Variants in ERCC4 observed in about 807,000 individuals in gnomAD.
ERCC4 encodes DNA repair endonuclease XPF.
A neutral mutation model predicts 76.9 loss-of-function variants in ERCC4; 65 were observed. The ratio of observed to expected loss-of-function variants is 0.84; its 90% CI spans 0.69 to 1.04. ERCC4 has a LOEUF of 1.04. Ranked by LOEUF, ERCC4 falls within the 50% of genes least tolerant of loss-of-function variation. ERCC4 has a pLI of 0.00. For synonymous variants in ERCC4, 463 were observed against 410.1 expected, an observed-to-expected ratio of 1.13 and a Z score of -1.56; for missense variants, 1,214 against 1,128.2, an observed-to-expected ratio of 1.08 and a Z score of -1.09.
At chr16:13,938,057 T>G (rs1323409230) in intron 9 of ERCC4, among the ~76,000 whole-genome samples, 199 bp downstream of exon 9, 1 of 152,066 alleles carries the variant, frequency 6.6e-6, no homozygotes, top group Non-Finnish European at 1.5e-5. Context: ...CGTCTCTTCC[T>G]TCATCTCCAG....
rs2141624584 is a variant in ERCC4, at chr16:13,951,113, T to C, written c.*2766T>C. On this transcript the variant is annotated 3_prime_UTR_variant, in exon 11 of 11. Transcript: ENST00000311895. ...ATATATTTCAATGTATTTCCAGTTTTGGAAAGTTTTCAATACATACATCAA... is the reference window on the plus strand; with the variant it reads ...ATATATTTCAATGTATTTCCAGTTTCGGAAAGTTTTCAATACATACATCAA... 1 of 186,506 alleles carries C rather than the reference T, an allele frequency of 5.4e-6. No homozygotes were observed. The highest frequency in any genetic ancestry group is 2.3e-5 in the African/African-American group (1 of 42,888). 11.6% of individuals were successfully genotyped at this position (186,506 alleles called of 1,614,324 possible).
rs186586436 is a variant in ERCC4 at position 13,949,488 on chromosome 16, A to C, written c.*1141A>C. 4 of 233,042 alleles carry C rather than the reference A, an allele frequency of 1.7e-5. No individual in the cohort carries two copies. Among genetic ancestry groups the C allele is most frequent in the African/African-American group, 8.8e-5 (4 of 45,334 alleles). 14.4% of individuals were successfully genotyped at this position (233,042 alleles called of 1,614,324 possible). ...CTCACCATCCTGTGCCAGGGTGGCT[A>C]CTTCTCTCTGTGAGGACTCAAATAC... is the stretch of plus-strand genomic sequence containing the variant. On this transcript the variant is annotated 3_prime_UTR_variant, in exon 11 of 11. Transcript: ENST00000311895.
At chr16:13,931,773 T>A (rs2032176954) in intron 5 of ERCC4, 4 of 196,070 alleles carry the variant, frequency 2.0e-5, no homozygotes, top group Non-Finnish European at 4.2e-5. Context: ...AGAAGCTGTG[T>A]TTTAAATGAC....
Position 13,950,435 on chromosome 16 carries a change from G to A in ERCC4, c.*2088G>A, listed in dbSNP as rs2032609109. Reference sequence around the variant, plus strand: ...CAGTAGAACTCTGTAAGATGATGTGGAGAGTAAGGAAAAGGAGAAGAAATA... The same window carrying A: ...CAGTAGAACTCTGTAAGATGATGTGAAGAGTAAGGAAAAGGAGAAGAAATA... On this transcript the variant is annotated 3_prime_UTR_variant, in exon 11 of 11. Coordinates refer to ENST00000311895, the MANE Select transcript of ERCC4 (RefSeq NM_005236.3). The A allele has an allele frequency of 5.3e-6, 1 of 188,050 alleles. No homozygotes were observed. Among genetic ancestry groups the A allele is most frequent in the South Asian group, 2.0e-4 (1 of 5,124 alleles). The allele number at this position is 188,050 out of a possible 1,614,324, so 11.6% of individuals were successfully genotyped here. A position where few individuals can be genotyped will look rare whatever the true frequency, so the allele number is the denominator to read the frequency against.
intron 9 of ERCC4, among the ~76,000 whole-genome samples, chr16:13,941,140 A>C (rs1378473331): frequency 6.6e-6 from 1 of 152,192 alleles, no homozygotes; most frequent in East Asian, 1.9e-4. Context: ...AGCCTTATAC[A>C]TACTGGAAAA....
rs1342183779 is a variant in ERCC4 at position 13,950,831 on chromosome 16, A to C, written c.*2484A>C. On this transcript the variant is annotated 3_prime_UTR_variant, in exon 11 of 11. Coordinates refer to ENST00000311895, the MANE Select transcript of ERCC4 (RefSeq NM_005236.3). The stretch of plus-strand genomic sequence containing the variant: ...CATTCCAAGTTGAGTTTTCAAAAAA[A>C]AGGTCTTCCTAAAGCTACCATTTTC... The C allele has an allele frequency of 5.1e-6, 1 of 195,408 alleles. No homozygotes were observed. The highest frequency in any genetic ancestry group is 1.1e-5 in the Non-Finnish European group (1 of 93,954). The allele number at this position is 195,408 out of a possible 1,614,324, so 12.1% of individuals were successfully genotyped here.
chr16:13,948,905 A>C lies in ERCC4; in HGVS notation c.*558A>C, dbSNP rs376791839. ...AATCATGTTCTGACCCTTTGTCTAC[A>C]AAGGAGCCTTCTGGAACACTGAGAA... is the stretch of plus-strand genomic sequence containing the variant. On this transcript the variant is annotated 3_prime_UTR_variant, in exon 11 of 11. Coordinates refer to ENST00000311895, the MANE Select transcript of ERCC4 (RefSeq NM_005236.3). 1.5e-4 allele frequency: 36 copies of C among 232,660 alleles called. 1 individual carries two copies. Among genetic ancestry groups the C allele is most frequent in the East Asian group, 1.3e-3 (21 of 16,470 alleles). The allele number at this position is 232,660 out of a possible 1,614,324, so 14.4% of individuals were successfully genotyped here.
Position 13,922,153 on chromosome 16 carries a change from AAGT to A in ERCC4, c.333_335del (p.Ser111del). 6.2e-7 allele frequency: 1 copy of A among 1,613,572 alleles called. No individual in the cohort carries two copies. The highest frequency in any genetic ancestry group is 8.5e-7 in the Non-Finnish European group (1 of 1,179,444). ...CACAAGGTGGTGTTATATTTGCGAC[AAGT>A]AGGATACTTGTGGTTGACTTCTTGA... On this transcript the variant is annotated inframe_deletion, in exon 2 of 11. Transcript: ENST00000311895.
chr16:13,938,721 A>G (rs1289905792), intron 9 of ERCC4, among the ~76,000 whole-genome samples: 1 of 152,220 alleles, frequency 6.6e-6, no homozygotes, highest in Non-Finnish European at 1.5e-5. Flanking sequence ...GAGGGCAGAA[A>G]TTATTTTTAG....
intron 3 of ERCC4, among the ~76,000 whole-genome samples, chr16:13,927,060 C>G (rs1001431855): frequency 6.6e-6 from 1 of 152,146 alleles, no homozygotes; most frequent in East Asian, 1.9e-4. Flanking sequence ...ATCTAGAGAC[C>G]CACATATACA....
At position 13,951,869 on chromosome 16, in the gene ERCC4, C is replaced by T. The variant is rs1279367733; in HGVS notation, c.*3522C>T. On this transcript the variant is annotated 3_prime_UTR_variant, in exon 11 of 11. Coordinates refer to ENST00000311895, the MANE Select transcript of ERCC4 (RefSeq NM_005236.3). Reference sequence around the variant, plus strand: ...GTGTTCAGTTTAACCTAGAAAGGTCCTCTTGAAAAACCAACATTTTAGGAA... The same window carrying T: ...GTGTTCAGTTTAACCTAGAAAGGTCTTCTTGAAAAACCAACATTTTAGGAA... 9.1e-6 allele frequency: 2 copies of T among 220,760 alleles called. No homozygotes were observed. The highest frequency in any genetic ancestry group is 1.8e-5 in the Non-Finnish European group (2 of 110,260). The allele number at this position is 220,760 out of a possible 1,614,324, so 13.7% of individuals were successfully genotyped here.
In ERCC4 at chr16:13,935,695, T is replaced by C. The variant is rs371392134; in HGVS notation, c.1763T>C (p.Val588Ala). ...VVLYDAELTF[V>A]RQLEIYRASR... ...CTTTATGACGCAGAGCTAACCTTTG[T>C]TCGGCAGCTTGAAATTTACAGGGCG... The change falls in exon 8 of 11, where the codon GTT (valine) becomes GCT (alanine). Residue 588 changes from valine to alanine, a missense_variant. Coordinates refer to ENST00000311895, the MANE Select transcript of ERCC4 (RefSeq NM_005236.3). 2.8e-5 allele frequency: 45 copies of C among 1,614,050 alleles called. No homozygotes were observed. The African/African-American group carries it at 5.9e-4, about 21-fold the overall frequency.
chr16:13,920,340 G>A lies in ERCC4; in HGVS notation c.175G>A (p.Val59Met), dbSNP rs2031945913. The A allele has an allele frequency of 6.3e-7, 1 of 1,595,980 alleles. No homozygotes were observed. Reference sequence around the variant, plus strand: ...GCTGCACTGCCACCCAGCCTGCCTGGTGCTGGTGCTCAACACGCAGCCGGC... The same window carrying A: ...GCTGCACTGCCACCCAGCCTGCCTGATGCTGGTGCTCAACACGCAGCCGGC... ...LQLHCHPACL[V>M]LVLNTQPAEE... Residue 59 changes from valine (V) to methionine (M), a missense_variant, in exon 1 of 11, where the codon GTG (valine) becomes ATG (methionine). Val to Met is a conservative substitution (Grantham distance 21). Coordinates refer to ENST00000311895, the MANE Select transcript of ERCC4 (RefSeq NM_005236.3).
chr16:13,939,578 G>A (rs1299238676), intron 9 of ERCC4, among the ~76,000 whole-genome samples: 3 of 152,214 alleles, frequency 2.0e-5, no homozygotes, highest in Middle Eastern at 3.4e-3. Context: ...AGGCGTGCAC[G>A]AAGGCTCCCA....
chr16:13,932,698 G>T (rs3136126), intron 6 of ERCC4: 4,523 of 230,960 alleles, frequency 0.02, 207 homozygotes, highest in African/African-American at 0.099. Flanking sequence ...GATTGCTTGA[G>T]CCCGGGAGTT....
At position 13,950,989 on chromosome 16, in the gene ERCC4, CG is replaced by C. The variant is rs373646296; in HGVS notation, c.*2643del. ...ACGCTTGAAGACAGGTGCACTGTCT[CG>C]TATGTATTTGAATTATGAACAGTAA... On this transcript the variant is annotated 3_prime_UTR_variant, in exon 11 of 11. Transcript: ENST00000311895. The C allele has an allele frequency of 1.0e-5, 2 of 191,134 alleles. No individual in the cohort carries two copies. Among genetic ancestry groups the C allele is most frequent in the African/African-American group, 4.6e-5 (2 of 43,066 alleles). The allele number at this position is 191,134 out of a possible 1,614,324, so 11.8% of individuals were successfully genotyped here.
Position 13,944,811 on chromosome 16 carries a change from G to A in ERCC4, c.1993G>A (p.Val665Ile), listed in dbSNP as rs2141617119. 6.2e-7 allele frequency: 1 copy of A among 1,612,930 alleles called. No individual in the cohort carries two copies. Among genetic ancestry groups the A allele is most frequent in the Non-Finnish European group, 8.5e-7 (1 of 1,178,894 alleles). The change falls in exon 10 of 11, where the codon GTT becomes ATT. Residue 665 changes from valine (V) to isoleucine (I), a missense_variant. Transcript: ENST00000311895. Reference protein sequence around the residue: ...DLVRGTASADVSTDTRKAGGQ... With the variant: ...DLVRGTASADISTDTRKAGGQ... ...AGTAAGAGGCACAGCATCTGCAGAT[G>A]TTTCCACTGACACTCGGAAAGCCGG...
Position 13,935,274 on chromosome 16 carries a change from G to C in ERCC4, c.1342G>C (p.Glu448Gln), listed in dbSNP as rs547209644. The change falls in exon 8 of 11, where the codon GAA becomes CAA. Residue 448 changes from glutamate to glutamine, a missense_variant. Transcript: ENST00000311895. ...KTFEKDSKAEEVWMKFRKEDS... is the reference protein window; with the variant it reads ...KTFEKDSKAEQVWMKFRKEDS... ...CTTTGAGAAGGATAGCAAAGCTGAAGAAGTCTGGATGAAATTTAGGAAGGA... is the reference window on the plus strand; with the variant it reads ...CTTTGAGAAGGATAGCAAAGCTGAACAAGTCTGGATGAAATTTAGGAAGGA... 1.7e-4 allele frequency: 274 copies of C among 1,614,082 alleles called. 3 individuals are homozygous for C. The South Asian group carries it at 2.9e-3, about 17-fold the overall frequency.
Position 13,949,902 on chromosome 16 carries a change from T to C in ERCC4, c.*1555T>C, listed in dbSNP as rs190536009. 13 of 232,466 alleles carry C rather than the reference T, an allele frequency of 5.6e-5. No homozygotes were observed. Among genetic ancestry groups the C allele is most frequent in the Admixed American group, 2.2e-4 (4 of 17,790 alleles). The allele number at this position is 232,466 out of a possible 1,614,324, so 14.4% of individuals were successfully genotyped here. Reference sequence around the variant, plus strand: ...AGCTGTTTTTTTGTTTGCTACACTATTTGAACTAATAGACAGTGGATCATG... The same window carrying C: ...AGCTGTTTTTTTGTTTGCTACACTACTTGAACTAATAGACAGTGGATCATG... On this transcript the variant is annotated 3_prime_UTR_variant, in exon 11 of 11. Transcript: ENST00000311895.
Sources: gnomAD v4.1 joint callset for allele counts (sites outside exome capture counted in the v4.1 genomes callset) on GRCh38, gnomAD v4.1.1 for gene constraint, MANE v1.5 for transcripts, NCBI Gene and HGNC (gene_info 2026-07-23, HGNC 2026-07-21) for gene names.